Variants in TIAM1 observed in about 807,000 individuals in gnomAD.
TIAM1 encodes rho guanine nucleotide exchange factor TIAM1.
In TIAM1, 65 loss-of-function variants were observed where a neutral mutation model predicts 163.5. The observed-to-expected ratio is 0.40, with a 90% confidence interval of 0.33 to 0.49. The LOEUF is 0.49. TIAM1 is among the 20% of genes least tolerant of loss of function. The probability of loss-of-function intolerance (pLI) is 0.77; values close to 1 mark genes in which losing one functional copy is unlikely to be tolerated. For missense variants in TIAM1, 1,789 were observed against 2,044.7 expected, an observed-to-expected ratio of 0.87 and a Z score of 2.41; for synonymous variants, 833 against 810.1, an observed-to-expected ratio of 1.03 and a Z score of -0.48.
chr21:31,546,144 TA>T (rs2048479569), intron 1 of TIAM1, among the ~76,000 whole-genome samples: 1 of 150,686 alleles, frequency 6.6e-6, no homozygotes, highest in Middle Eastern at 3.5e-3. Flanking sequence ...TTATAATGGG[TA>T]TTCTGGCACA....
rs9983261 is a variant in TIAM1 at position 31,167,807 on chromosome 21, C to T, written c.2888-2742G>A. Among the ~76,000 whole-genome samples, 891 of 152,244 alleles carry T rather than the reference C, an allele frequency of 5.9e-3. 11 individuals are homozygous for T. The highest frequency in any genetic ancestry group is 0.02 in the African/African-American group (828 of 41,528). ...CACATTTCCCAACAGCAGCACCACC[C>T]AGTTTGAGACCCACTCCCTGGAGCC... On this transcript the variant is annotated intron_variant, in intron 15 of 27. Coordinates refer to ENST00000541036, the MANE Select transcript of TIAM1 (RefSeq NM_001353694.2).
chr21:31,234,361 GGGAAGGAA>G (rs200809021), intron 6 of TIAM1, among the ~76,000 whole-genome samples: 32 of 136,172 alleles, frequency 2.3e-4, no homozygotes, highest in Middle Eastern at 3.6e-3. Flanking sequence ...AGAGGAGGTG[GGGAAGGAA>G]GGAAGGAAGG....
At chr21:31,258,975 AG>A (rs2072287926) in intron 4 of TIAM1, among the ~76,000 whole-genome samples, 1 of 152,148 alleles carries the variant, frequency 6.6e-6, no homozygotes, top group South Asian at 2.1e-4. Context: ...AGACCCTGTC[AG>A]GCCTTTAGGG....
chr21:31,224,942 TA>T (rs1295427553), intron 7 of TIAM1, among the ~76,000 whole-genome samples: 1 of 152,178 alleles, frequency 6.6e-6, no homozygotes, highest in Non-Finnish European at 1.5e-5. Flanking sequence ...CTTTTTTCTT[TA>T]GCATGAAATA....
At chr21:31,397,813 G>A (rs201856434) in intron 2 of TIAM1, among the ~76,000 whole-genome samples, 321 of 152,296 alleles carry the variant, frequency 2.1e-3, no homozygotes, top group East Asian at 8.7e-3. Flanking sequence ...AGGGCAAAAC[G>A]AAAGACATGG....
intron 2 of TIAM1, among the ~76,000 whole-genome samples, chr21:31,277,752 T>G (rs1204029205): frequency 6.6e-6 from 1 of 152,166 alleles, no homozygotes; most frequent in Non-Finnish European, 1.5e-5. Flanking sequence ...CTTAATAAAC[T>G]TGCTTTCACT....
intron 1 of TIAM1, among the ~76,000 whole-genome samples, chr21:31,341,904 T>C (rs917374157): frequency 3.9e-5 from 6 of 152,156 alleles, no homozygotes; most frequent in African/African-American, 7.2e-5. Flanking sequence ...AAAATCGAAG[T>C]TGGTTCTTCC....
chr21:31,369,231 A>AAAAG (rs71193109), intron 2 of TIAM1, among the ~76,000 whole-genome samples: 14 of 150,236 alleles, frequency 9.3e-5, no homozygotes, highest in East Asian at 1.9e-4. Context: ...ATCTCAAAAA[A>AAAAG]AAAGAAAGAA....
chr21:31,356,780 G>A (rs2076323099), intron 2 of TIAM1, among the ~76,000 whole-genome samples: 1 of 152,176 alleles, frequency 6.6e-6, no homozygotes, highest in African/African-American at 2.4e-5. Flanking sequence ...CACACTCCAA[G>A]AATCCCTTCA....
At chr21:31,213,297 T>C (rs1366275313) in intron 10 of TIAM1, 101 bp downstream of exon 10, 4 of 991,538 alleles carry the variant, frequency 4.0e-6, no homozygotes, top group African/African-American at 3.4e-5. Context: ...GTTTTTAATA[T>C]TGAGTTTACT....
chr21:31,439,499 A>C (rs926946060), intron 2 of TIAM1, among the ~76,000 whole-genome samples: 2 of 152,196 alleles, frequency 1.3e-5, no homozygotes, highest in African/African-American at 4.8e-5. Flanking sequence ...CATGTTGGCC[A>C]GGCTGGTCTT....
chr21:31,398,808 A>C lies in TIAM1; in HGVS notation c.-368-59386T>G, dbSNP rs138996911. On this transcript the variant is annotated intron_variant, in intron 2 of 28. Coordinates refer to the TIAM1 transcript ENST00000286827. ...ACAGAGTTGATCACTTATCTTGTGA[A>C]ACTGAAGAAGAAAGAGAAATGTAAA... Among the ~76,000 whole-genome samples, 520 of 152,382 alleles carry C rather than the reference A, an allele frequency of 3.4e-3. 4 individuals carry two copies. Among genetic ancestry groups the C allele is most frequent in the African/African-American group, 0.011 (453 of 41,596 alleles).
chr21:31,209,947 T>C (rs1156749774), intron 11 of TIAM1, 98 bp downstream of exon 11: 8 of 1,344,480 alleles, frequency 6.0e-6, no homozygotes, highest in African/African-American at 1.5e-5. Context: ...TTAAGCACCT[T>C]CCTCTCCCAC....
At chr21:31,501,122 G>C (rs1323184098) in intron 1 of TIAM1, among the ~76,000 whole-genome samples, 1 of 151,528 alleles carries the variant, frequency 6.6e-6, no homozygotes, top group East Asian at 1.9e-4. Flanking sequence ...TATTGGACTC[G>C]CCACCATTTG....
chr21:31,120,840 G>GCA lies in TIAM1; in HGVS notation c.4307-5_4307-4dup, dbSNP rs755718365. On this transcript the variant is annotated splice_region_variant and splice_polypyrimidine_tract_variant and intron_variant, in intron 27 of 27. Transcript: ENST00000541036. This position sits in a 1 kb window ranked among gnomAD's most constrained non-coding sequence, Gnocchi z 4.2. ...AAGAGACTTGCTTGGGGCAGACACT[G>GCA]CACACACACACAAAAATATAAAAAT... 100 of 1,588,520 alleles carry GCA rather than the reference G, an allele frequency of 6.3e-5. No homozygotes were observed. The highest frequency in any genetic ancestry group is 1.9e-4 in the South Asian group (17 of 88,242).
chr21:31,499,952 A>G (rs1158003983), intron 1 of TIAM1, among the ~76,000 whole-genome samples: 1 of 151,992 alleles, frequency 6.6e-6, no homozygotes, highest in Non-Finnish European at 1.5e-5. Flanking sequence ...AAATCCCCTG[A>G]GGTCAGAAGT....
intron 2 of TIAM1, among the ~76,000 whole-genome samples, chr21:31,434,000 G>A (rs551105129): frequency 1.9e-4 from 29 of 152,104 alleles, no homozygotes; most frequent in South Asian, 8.3e-4. Context: ...GTTTTGCCAC[G>A]TTGCCCAGGC....
intron 2 of TIAM1, among the ~76,000 whole-genome samples, chr21:31,303,112 A>C (rs1341578718): frequency 1.3e-5 from 2 of 152,240 alleles, no homozygotes; most frequent in African/African-American, 4.8e-5. Context: ...TGCCATGGTC[A>C]CAGTAACAAA....
At chr21:31,299,143 T>G (rs1310125499) in intron 2 of TIAM1, among the ~76,000 whole-genome samples, 1 of 152,170 alleles carries the variant, frequency 6.6e-6, no homozygotes, top group South Asian at 2.1e-4. Context: ...ACACAGTGCA[T>G]CCAAAAACCT....
Sources: gnomAD v4.1 joint callset for allele counts (sites outside exome capture counted in the v4.1 genomes callset) on GRCh38, gnomAD v4.1.1 for gene constraint, Gnocchi (gnomAD v3.1) non-coding constraint, MANE v1.5 for transcripts, NCBI Gene and HGNC (gene_info 2026-07-23, HGNC 2026-07-21) for gene names.